Variants in WASF2 observed in about 807,000 individuals in gnomAD.
The protein encoded by WASF2 is actin-binding protein WASF2.
In WASF2, 14 loss-of-function variants were observed where a neutral mutation model predicts 45.0. That is an observed-to-expected ratio of 0.31 (90% CI 0.21 to 0.49). The LOEUF (loss-of-function observed/expected upper bound fraction) is 0.49, where lower values mean the gene tolerates loss of function less well. Ranked by LOEUF, WASF2 falls within the 20% of genes least tolerant of loss-of-function variation. WASF2 has a pLI of 0.99. For missense variants in WASF2, 439 were observed against 636.1 expected (o/e 0.69, Z 3.33); for synonymous variants, 200 against 236.3 (o/e 0.85, Z 1.41).
intron 2 of WASF2, among the ~76,000 whole-genome samples, chr1:27,420,417 A>G (rs1392003488): frequency 1.3e-5 from 2 of 151,918 alleles, no homozygotes; most frequent in Non-Finnish European, 2.9e-5. Context: ...GAAACATAAC[A>G]GCAATTTGAC....
chr1:27,448,633 T>C (rs903161815), intron 1 of WASF2, among the ~76,000 whole-genome samples: 1 of 151,886 alleles, frequency 6.6e-6, no homozygotes, highest in Admixed American at 6.6e-5. Flanking sequence ...GGTGGATCTC[T>C]TGAAGTCAGG....
intron 4 of WASF2, 56 bp from the exon 5 acceptor site, chr1:27,416,158 A>C: frequency 6.8e-7 from 1 of 1,461,968 alleles, no homozygotes. Context: ...TCCCAACCAA[A>C]TCCAATATTC....
chr1:27,417,668 CTTCTTT>C (rs1439328710), intron 4 of WASF2, among the ~76,000 whole-genome samples: 1 of 152,196 alleles, frequency 6.6e-6, no homozygotes, highest in Non-Finnish European at 1.5e-5. Context: ...ATAAGGCTAC[CTTCTTT>C]TTCAAGTCCA....
chr1:27,440,641 C>T lies in WASF2; in HGVS notation c.-43-11708G>A, dbSNP rs560726128. Among the ~76,000 whole-genome samples, 13 of 152,200 alleles carry T rather than the reference C, an allele frequency of 8.5e-5. No homozygotes were observed. In the South Asian group the frequency reaches 2.7e-3, roughly 32 times the overall value. ...TGTTACCTAGGCTGAAATTTAGTGG[C>T]TATTCACAGGCACAATCATAGTGCA... On this transcript the variant is annotated intron_variant, in intron 1 of 8. Transcript: ENST00000618852.
chr1:27,436,348 A>AG lies in WASF2; in HGVS notation c.-43-7416dup, dbSNP rs1340924871. On this transcript the variant is annotated intron_variant, in intron 1 of 8. Coordinates refer to ENST00000618852, the MANE Select transcript of WASF2 (RefSeq NM_006990.5). ...GTAGTCCCAGCTACTCAGGGGGCTC[A>AG]GGCAGGAGGACTGAGGATTGCTTGA... Among the ~76,000 whole-genome samples the AG allele has an allele frequency of 2.0e-5, 3 of 152,126 alleles. No homozygotes were observed. The East Asian group carries it at 5.8e-4, about 29-fold the overall frequency.
chr1:27,427,312 G>A (rs919023689), intron 2 of WASF2, among the ~76,000 whole-genome samples: 1 of 152,180 alleles, frequency 6.6e-6, no homozygotes, highest in African/African-American at 2.4e-5. Context: ...AGCTGAGAGA[G>A]AGCGTAACTT....
chr1:27,480,345 C>T (rs570653902), intron 1 of WASF2, among the ~76,000 whole-genome samples: 2 of 151,720 alleles, frequency 1.3e-5, no homozygotes, highest in Non-Finnish European at 2.9e-5. Flanking sequence ...GGTGAAGCCC[C>T]ATCTCTACTA....
chr1:27,475,274 T>C (rs1413670700), intron 1 of WASF2, among the ~76,000 whole-genome samples: 1 of 152,166 alleles, frequency 6.6e-6, no homozygotes, highest in Non-Finnish European at 1.5e-5. Flanking sequence ...ACAGAACTCC[T>C]TAACAGTCCT....
chr1:27,433,279 C>T (rs1319370403), intron 1 of WASF2, among the ~76,000 whole-genome samples: 7 of 152,176 alleles, frequency 4.6e-5, no homozygotes, highest in African/African-American at 1.4e-4. Context: ...CTCATCTGAA[C>T]CACAGAACAA....
intron 1 of WASF2, among the ~76,000 whole-genome samples, chr1:27,466,447 A>G (rs1027751766): frequency 2.0e-5 from 3 of 152,222 alleles, no homozygotes; most frequent in African/African-American, 7.2e-5. Context: ...ATTCAGTTCA[A>G]GCCTCTAGAG....
chr1:27,413,544 C>G (rs2016792346), intron 6 of WASF2, among the ~76,000 whole-genome samples: 2 of 152,172 alleles, frequency 1.3e-5, no homozygotes, highest in Admixed American at 1.3e-4. Flanking sequence ...AAAAGATGCT[C>G]TGATGTGGAA....
chr1:27,467,828 C>T (rs1398818605), intron 1 of WASF2, among the ~76,000 whole-genome samples: 1 of 151,888 alleles, frequency 6.6e-6, no homozygotes, highest in African/African-American at 2.4e-5. Flanking sequence ...AGGAGAATCG[C>T]TTGAACCCAG....
intron 1 of WASF2, among the ~76,000 whole-genome samples, chr1:27,488,760 A>C (rs2017981625): frequency 6.6e-6 from 1 of 152,174 alleles, no homozygotes; most frequent in African/African-American, 2.4e-5. Context: ...GTAACAAGGC[A>C]AACTTCCCTA....
chr1:27,483,520 C>T (rs961968106), intron 1 of WASF2, among the ~76,000 whole-genome samples: 3 of 151,952 alleles, frequency 2.0e-5, no homozygotes, highest in African/African-American at 7.2e-5. Context: ...CCTGTAATCC[C>T]AGCTGCTACT....
rs980203847 is a variant in WASF2 at position 27,490,087 on chromosome 1, G to A, written c.-145C>T. On this transcript the variant is annotated 5_prime_UTR_variant, in exon 1 of 9. Transcript: ENST00000618852. ...GGACCGCCTCGCGGGCTGCCAAACG[G>A]CCGGACCCCCTCAGCGCGCTACGCC... 2.6e-5 allele frequency: 4 copies of A among 152,228 alleles called. No homozygotes were observed. The highest frequency in any genetic ancestry group is 1.9e-4 in the East Asian group (1 of 5,186). 9.4% of individuals were successfully genotyped at this position (152,228 alleles called of 1,614,324 possible). A position where few individuals can be genotyped will look rare whatever the true frequency, so the allele number is the denominator to read the frequency against.
rs979068017 is a variant in WASF2 at position 27,410,640 on chromosome 1, AAC to A, written c.825-436_825-435del. On this transcript the variant is annotated intron_variant, in intron 7 of 8. Coordinates refer to ENST00000618852, the MANE Select transcript of WASF2 (RefSeq NM_006990.5). This position sits in a 1 kb window ranked among gnomAD's most constrained non-coding sequence, Gnocchi z 4.2. ...AAGAAAGAACTGGAATAAAAATTCA[AAC>A]ACCACCCACACACTAGGCTCTGTTT... Among the ~76,000 whole-genome samples the A allele has an allele frequency of 1.3e-5, 2 of 152,200 alleles. No individual in the cohort carries two copies. Among genetic ancestry groups the A allele is most frequent in the Non-Finnish European group, 2.9e-5 (2 of 68,042 alleles).
chr1:27,432,600 A>G (rs1156503659), intron 1 of WASF2, among the ~76,000 whole-genome samples: 1 of 128,140 alleles, frequency 7.8e-6, no homozygotes, highest in Non-Finnish European at 1.6e-5. Context: ...GTGAGCCAAG[A>G]TCGCGCCACT....
intron 1 of WASF2, among the ~76,000 whole-genome samples, chr1:27,444,061 G>A (rs1453177698): frequency 6.6e-6 from 1 of 152,126 alleles, no homozygotes; most frequent in Non-Finnish European, 1.5e-5. Flanking sequence ...TTACAGGCAT[G>A]AGCCACCGCG....
intron 1 of WASF2, among the ~76,000 whole-genome samples, chr1:27,447,549 G>C (rs1005652284): frequency 1.3e-5 from 2 of 152,198 alleles, no homozygotes; most frequent in Non-Finnish European, 2.9e-5. Context: ...TAAGGCACTG[G>C]TTTCTGCAGT....
Sources: allele counts gnomAD v4.1 joint callset (sites outside exome capture counted in the v4.1 genomes callset), GRCh38; gene constraint gnomAD v4.1.1; non-coding constraint Gnocchi (gnomAD v3.1); transcripts MANE v1.5; gene names NCBI Gene and HGNC (gene_info 2026-07-23, HGNC 2026-07-21).